Variants in CACNA2D1 observed in about 807,000 individuals in gnomAD.
CACNA2D1 encodes the protein voltage-dependent calcium channel subunit alpha-2/delta-1.
Under a neutral mutation model 171.5 loss-of-function variants are expected in CACNA2D1, and 53 were observed. That is an observed-to-expected ratio of 0.31 (90% CI 0.25 to 0.39). The LOEUF is 0.39. CACNA2D1 is among the 10% of genes least tolerant of loss of function. The probability of loss-of-function intolerance (pLI) is 1.00; values close to 1 mark genes in which losing one functional copy is unlikely to be tolerated. For missense variants in CACNA2D1, 903 were observed against 1,299.8 expected, an observed-to-expected ratio of 0.69 and a Z score of 4.69; for synonymous variants, 442 against 443.1, an observed-to-expected ratio of 1.00 and a Z score of 0.03.
At chr7:82,043,917 A>C (rs1007158309) in intron 10 of CACNA2D1, among the ~76,000 whole-genome samples, 5 of 152,212 alleles carry the variant, frequency 3.3e-5, no homozygotes, top group African/African-American at 7.2e-5. Flanking sequence ...TAGTGCAGTC[A>C]AGTAGTTCTG....
intron 1 of CACNA2D1, among the ~76,000 whole-genome samples, chr7:82,425,903 T>C (rs1294327016): frequency 1.3e-5 from 2 of 150,912 alleles, no homozygotes; most frequent in Admixed American, 6.6e-5. Flanking sequence ...CTGAGGCAGG[T>C]GGATCACCTG....
At chr7:82,268,715 T>C (rs1436018007) in intron 3 of CACNA2D1, among the ~76,000 whole-genome samples, 3 of 107,990 alleles carry the variant, frequency 2.8e-5, no homozygotes, top group African/African-American at 1.3e-4. Context: ...ATTTGAGAGA[T>C]ACCTGAGACC....
intron 18 of CACNA2D1, among the ~76,000 whole-genome samples, chr7:81,999,871 A>G (rs1006767721): frequency 2.6e-5 from 4 of 152,238 alleles, no homozygotes; most frequent in Admixed American, 6.5e-5. Flanking sequence ...ACAATAGGAA[A>G]TTCAGTTTGT....
At chr7:82,393,464 A>G (rs1825423312) in intron 1 of CACNA2D1, among the ~76,000 whole-genome samples, 2 of 152,232 alleles carry the variant, frequency 1.3e-5, no homozygotes, top group South Asian at 4.1e-4. Context: ...AATAAGATAT[A>G]TATTGAAATT....
chr7:82,103,082 C>A (rs375383199), intron 6 of CACNA2D1, among the ~76,000 whole-genome samples: 1 of 152,016 alleles, frequency 6.6e-6, no homozygotes, highest in Non-Finnish European at 1.5e-5. Flanking sequence ...CTAAGGCAGG[C>A]GGATCACTTG....
chr7:82,120,765 C>T (rs1325439016), intron 5 of CACNA2D1, among the ~76,000 whole-genome samples: 1 of 151,320 alleles, frequency 6.6e-6, no homozygotes, highest in Non-Finnish European at 1.5e-5. Flanking sequence ...GTCCCAGCTA[C>T]TCGGGAGGCT....
intron 32 of CACNA2D1, 98 bp downstream of exon 32, chr7:81,965,496 C>T (rs1794623983): frequency 1.3e-6 from 1 of 771,040 alleles, no homozygotes; most frequent in South Asian, 1.4e-5. Flanking sequence ...AGAAATAAAA[C>T]AACTCATCGA....
chr7:82,220,979 T>C (rs1801698262), intron 3 of CACNA2D1, among the ~76,000 whole-genome samples: 2 of 152,142 alleles, frequency 1.3e-5, no homozygotes, highest in Admixed American at 6.6e-5. Flanking sequence ...TTTCACGATG[T>C]TGGCCAGACT....
intron 38 of CACNA2D1, among the ~76,000 whole-genome samples, chr7:81,951,979 T>TTTTTTTTTTTTTTTTTTGTTTTTTTTG (rs1792627468): frequency 6.7e-6 from 1 of 149,012 alleles, no homozygotes; most frequent in Non-Finnish European, 1.5e-5. Flanking sequence ...GTTTTTTTTT[T>TTTTTTTTTTTTTTTTTTGTTTTTTTTG]TTTTTTTTTT....
rs201901297 is a variant in CACNA2D1 at position 82,060,535 on chromosome 7, T to C, written c.780-8A>G. 1.8e-4 allele frequency: 274 copies of C among 1,531,016 alleles called. 1 individual carries two copies. The African/African-American group carries it at 2.5e-3, about 14-fold the overall frequency. 94.8% of individuals were successfully genotyped at this position (1,531,016 alleles called of 1,614,324 possible). On this transcript the variant is annotated splice_region_variant and splice_polypyrimidine_tract_variant and intron_variant, in intron 9 of 38. Transcript: ENST00000356860. ...CCACTAACACTTCCACTCCTAGAAA[T>C]AGACAAATGGGTCCATACATGTTAC...
intron 7 of CACNA2D1, among the ~76,000 whole-genome samples, chr7:82,070,792 G>A (rs899034652): frequency 7.9e-5 from 12 of 152,014 alleles, no homozygotes; most frequent in African/African-American, 2.7e-4. Flanking sequence ...GAACTTTGGT[G>A]GACAGCTAGC....
chr7:82,371,029 G>A (rs1374423953), intron 1 of CACNA2D1, among the ~76,000 whole-genome samples: 2 of 152,156 alleles, frequency 1.3e-5, no homozygotes, highest in Admixed American at 1.3e-4. Flanking sequence ...GAACACTACT[G>A]AAAAGACACA....
intron 12 of CACNA2D1, among the ~76,000 whole-genome samples, chr7:82,027,102 CA>C (rs1235297105): frequency 6.6e-6 from 1 of 150,702 alleles, no homozygotes; most frequent in Non-Finnish European, 1.5e-5. Flanking sequence ...TTAATGGGTA[CA>C]AAAAAATAGA....
intron 3 of CACNA2D1, among the ~76,000 whole-genome samples, chr7:82,191,633 T>C (rs1798305854): frequency 6.6e-6 from 1 of 151,786 alleles, no homozygotes; most frequent in Non-Finnish European, 1.5e-5. Context: ...TTATATATTT[T>C]TAAATCAAAG....
chr7:82,416,189 T>C (rs1036644765), intron 1 of CACNA2D1, among the ~76,000 whole-genome samples: 1 of 151,940 alleles, frequency 6.6e-6, no homozygotes, highest in African/African-American at 2.4e-5. Context: ...CACTCCAACA[T>C]GGGTAACAGC....
At chr7:82,116,549 C>T (rs1408247026) in intron 6 of CACNA2D1, among the ~76,000 whole-genome samples, 1 of 152,048 alleles carries the variant, frequency 6.6e-6, no homozygotes, top group African/African-American at 2.4e-5. Context: ...TACTCTTTAC[C>T]TATATCCTAG....
chr7:82,045,908 T>A (rs1236781576), intron 10 of CACNA2D1, among the ~76,000 whole-genome samples: 1 of 152,098 alleles, frequency 6.6e-6, no homozygotes, highest in African/African-American at 2.4e-5. Flanking sequence ...AAGCGCAAAT[T>A]CCCTGACGCA....
At chr7:82,317,893 T>G (rs1815309630) in intron 3 of CACNA2D1, among the ~76,000 whole-genome samples, 1 of 151,876 alleles carries the variant, frequency 6.6e-6, no homozygotes, top group Non-Finnish European at 1.5e-5. Flanking sequence ...TAGTGAAGAA[T>G]GAAAATCCGA....
At position 82,177,068 on chromosome 7, in the gene CACNA2D1, A is replaced by ACT. The variant is rs1413202269; in HGVS notation, c.295-6460_295-6459insAG. 1.0e-3 allele frequency among the ~76,000 whole-genome samples: 57 copies of ACT among 55,226 alleles called. 1 individual carries two copies. Among genetic ancestry groups the ACT allele is most frequent in the Admixed American group, 1.7e-3 (5 of 2,892 alleles). 36.2% of individuals were successfully genotyped at this position (55,226 alleles called of 152,430 possible). A position where few individuals can be genotyped will look rare whatever the true frequency, so the allele number is the denominator to read the frequency against. Reference sequence around the variant, plus strand: ...TGACAAGATTTAGCTACAGGTCTCTATTTTTTTTTTTTTTTTTTTGGCGGG... The same window carrying ACT: ...TGACAAGATTTAGCTACAGGTCTCTACTTTTTTTTTTTTTTTTTTTTGGCGGG... On this transcript the variant is annotated intron_variant, in intron 3 of 38. Transcript: ENST00000356860.
Sources: gnomAD v4.1 joint callset for allele counts (sites outside exome capture counted in the v4.1 genomes callset) on GRCh38, gnomAD v4.1.1 for gene constraint, MANE v1.5 for transcripts, NCBI Gene and HGNC (gene_info 2026-07-23, HGNC 2026-07-21) for gene names.